CELF2: variants seen among roughly 807,000 people sequenced by gnomAD.
CELF2 encodes CUG triplet repeat RNA-binding protein 2.
A neutral mutation model predicts 62.6 loss-of-function variants in CELF2; 8 were observed. That is an observed-to-expected ratio of 0.13 (90% CI 0.07 to 0.23). The LOEUF is 0.23. CELF2 is among the 10% of genes least tolerant of loss of function. CELF2 has a pLI of 1.00. For missense variants in CELF2, 333 were observed against 671.0 expected (o/e 0.50, Z 5.56); for synonymous variants, 258 against 250.0 (o/e 1.03, Z -0.30).
the CELF2 span, among the ~76,000 whole-genome samples, chr10:10,606,764 G>A: frequency 6.6e-6 from 1 of 152,082 alleles, no homozygotes; most frequent in Non-Finnish European, 1.5e-5. Context: ...TATAAAATTG[G>A]ATGGGCCAAC....
In CELF2 at chr10:10,915,133, A is replaced by T. The variant is rs76620240; in HGVS notation, c.54-4831A>T. On this transcript the variant is annotated intron_variant, in intron 1 of 13. Transcript: ENST00000636488. ...GGCGACAGAGTGAAACTTTATTTTA[A>T]AAAAAAAAAAAAAAAAGATTTTTTA... is the stretch of plus-strand genomic sequence containing the variant. 5.1e-3 allele frequency among the ~76,000 whole-genome samples: 28 copies of T among 5,514 alleles called. No homozygotes were observed. The East Asian group carries it at 0.071, about 14-fold the overall frequency. 3.6% of individuals were successfully genotyped at this position (5,514 alleles called of 152,430 possible). A position where few individuals can be genotyped will look rare whatever the true frequency, so the allele number is the denominator to read the frequency against.
At chr10:10,698,330 G>A in the CELF2 span, among the ~76,000 whole-genome samples, 1 of 152,196 alleles carries the variant, frequency 6.6e-6, no homozygotes. Flanking sequence ...ACTTTATGCA[G>A]GCGAACTGAC....
At chr10:10,632,755 A>G in the CELF2 span, among the ~76,000 whole-genome samples, 2 of 152,362 alleles carry the variant, frequency 1.3e-5, no homozygotes, top group African/African-American at 4.8e-5. Context: ...GTAGAAAGGT[A>G]GGTCCTCTTC....
rs986032219 is a variant in CELF2 at position 11,214,535 on chromosome 10, A to G, written c.272-2890A>G. ...GGCTTATCAAGCCATGGACTGTGGC[A>G]AGGAGCTACGCCCACCTGGAGATGG... On this transcript the variant is annotated intron_variant, in intron 2 of 12. Coordinates refer to ENST00000633077, the MANE Select transcript of CELF2 (RefSeq NM_001326342.2). This position sits in a 1 kb window ranked among gnomAD's most constrained non-coding sequence, Gnocchi z 4.2. 1.4e-4 allele frequency among the ~76,000 whole-genome samples: 21 copies of G among 152,224 alleles called. No individual in the cohort carries two copies. Among genetic ancestry groups the G allele is most frequent in the Admixed American group, 9.8e-4 (15 of 15,284 alleles).
chr10:10,613,548 T>C, the CELF2 span, among the ~76,000 whole-genome samples: 61 of 152,336 alleles, frequency 4.0e-4, no homozygotes, highest in African/African-American at 1.4e-3. Flanking sequence ...CTGTGTGAAA[T>C]GATATAGTAG....
intron 1 of CELF2, among the ~76,000 whole-genome samples, chr10:10,879,985 T>G (rs2061349593): frequency 6.6e-6 from 1 of 152,210 alleles, no homozygotes; most frequent in South Asian, 2.1e-4. Context: ...CAGTTCAATT[T>G]TCAAGTTTAA....
chr10:10,787,756 C>T, the CELF2 span, among the ~76,000 whole-genome samples: 1,433 of 152,156 alleles, frequency 9.4e-3, 29 homozygotes, highest in African/African-American at 0.033. Context: ...TTTCCTAGAT[C>T]GAGTACTGCA....
At chr10:10,631,842 A>C in the CELF2 span, among the ~76,000 whole-genome samples, 1 of 152,188 alleles carries the variant, frequency 6.6e-6, no homozygotes. Context: ...CCAGTTAATG[A>C]CCAAACCTCT....
chr10:10,578,196 T>G, the CELF2 span, among the ~76,000 whole-genome samples: 2 of 152,224 alleles, frequency 1.3e-5, no homozygotes, highest in African/African-American at 2.4e-5. Context: ...TCACCCACTT[T>G]TTGATGGGGT....
rs555688732 is a variant in CELF2 at position 11,051,020 on chromosome 10, C to G, written c.74+32857C>G. Among the ~76,000 whole-genome samples, 5 of 152,276 alleles carry G rather than the reference C, an allele frequency of 3.3e-5. No individual in the cohort carries two copies. In the East Asian group the frequency reaches 9.6e-4, roughly 29 times the overall value. ...AGAAAACCTCGCCTATTTTCCAAGA[C>G]CAGTTCTATTTTTAGCAGCTAGATC... On this transcript the variant is annotated intron_variant, in intron 1 of 12. Coordinates refer to ENST00000633077, the MANE Select transcript of CELF2 (RefSeq NM_001326342.2).
intron 2 of CELF2, among the ~76,000 whole-genome samples, chr10:11,167,474 G>A (rs2067560350): frequency 6.6e-6 from 1 of 152,202 alleles, no homozygotes; most frequent in South Asian, 2.1e-4. Flanking sequence ...CTCACTTACT[G>A]TTATGATGCC....
the CELF2 span, among the ~76,000 whole-genome samples, chr10:10,761,895 T>C: frequency 6.8e-6 from 1 of 147,296 alleles, no homozygotes; most frequent in Non-Finnish European, 1.5e-5. Flanking sequence ...GACAATTCCT[T>C]ATAATAAACC....
intron 1 of CELF2, among the ~76,000 whole-genome samples, chr10:10,830,050 C>G (rs886731685): frequency 6.6e-6 from 1 of 151,234 alleles, no homozygotes; most frequent in Non-Finnish European, 1.5e-5. Context: ...TCTTTGCCTG[C>G]CTGGCATGAG....
intron 1 of CELF2, among the ~76,000 whole-genome samples, chr10:10,814,732 C>T (rs1306252236): frequency 6.6e-6 from 1 of 152,148 alleles, no homozygotes; most frequent in Non-Finnish European, 1.5e-5. Context: ...TTACAGCTTA[C>T]CTTGAGGTTA....
chr10:10,563,669 G>A, the CELF2 span, among the ~76,000 whole-genome samples: 5 of 151,802 alleles, frequency 3.3e-5, no homozygotes, highest in Admixed American at 2.0e-4. Flanking sequence ...TGCTGATGGC[G>A]GGGTGGGATT....
At chr10:10,512,028 G>A in the CELF2 span, among the ~76,000 whole-genome samples, 198 of 152,298 alleles carry the variant, frequency 1.3e-3, no homozygotes, top group Non-Finnish European at 1.8e-3. Flanking sequence ...CTGGAACACA[G>A]GGATGTCAAA....
the CELF2 span, among the ~76,000 whole-genome samples, chr10:10,635,615 T>C: frequency 3.7e-4 from 56 of 152,240 alleles, no homozygotes; most frequent in Non-Finnish European, 6.9e-4. Context: ...AATGAATGTA[T>C]GTAAATTCAA....
At chr10:10,621,112 C>T in the CELF2 span, among the ~76,000 whole-genome samples, 2 of 143,412 alleles carry the variant, frequency 1.4e-5, no homozygotes, top group Non-Finnish European at 3.0e-5. Flanking sequence ...GGCATGGTGG[C>T]GGGCGCCTGT....
chr10:11,051,332 G>A (rs750848885), intron 1 of CELF2, among the ~76,000 whole-genome samples: 1 of 152,068 alleles, frequency 6.6e-6, no homozygotes, highest in Non-Finnish European at 1.5e-5. Context: ...GTTAAATATT[G>A]AAAACAACTA....
Sources: allele counts gnomAD v4.1 joint callset (sites outside exome capture counted in the v4.1 genomes callset), GRCh38; gene constraint gnomAD v4.1.1; non-coding constraint Gnocchi (gnomAD v3.1); transcripts MANE v1.5; gene names NCBI Gene and HGNC (gene_info 2026-07-23, HGNC 2026-07-21).